TMTC1: variants seen among roughly 807,000 people sequenced by gnomAD.
TMTC1 encodes transmembrane O-mannosyltransferase targeting cadherins 1, also known as protein O-mannosyl-transferase TMTC1.
In TMTC1, 73 loss-of-function variants were observed where a neutral mutation model predicts 104.8. The observed-to-expected ratio is 0.70, with a 90% CI of 0.58 to 0.85. The LOEUF (loss-of-function observed/expected upper bound fraction) is 0.85. Ranked by LOEUF, TMTC1 falls within the 40% of genes least tolerant of loss-of-function variation. TMTC1 has a pLI of 0.00. For missense variants in TMTC1, 1,035 were observed against 1,096.1 expected (o/e 0.94, Z 0.79); for synonymous variants, 434 against 428.7 (o/e 1.01, Z -0.15).
intron 17 of TMTC1, among the ~76,000 whole-genome samples, chr12:29,511,183 A>C (rs1943824389): frequency 2.0e-5 from 3 of 152,086 alleles, no homozygotes. Context: ...CAGCTAATAT[A>C]TTTTATACAT....
intron 5 of TMTC1, among the ~76,000 whole-genome samples, chr12:29,737,492 C>T (rs983360773): frequency 7.9e-5 from 12 of 151,670 alleles, no homozygotes; most frequent in African/African-American, 2.7e-4. Flanking sequence ...CCAGCCTGGG[C>T]AACAAGAGTG....
chr12:29,625,731 G>GT (rs893622035), intron 6 of TMTC1, among the ~76,000 whole-genome samples: 1 of 152,200 alleles, frequency 6.6e-6, no homozygotes, highest in African/African-American at 2.4e-5. Flanking sequence ...ACTTGCCTGT[G>GT]TGCAGGGTCT....
chr12:29,692,048 T>C (rs1941284005), intron 5 of TMTC1, among the ~76,000 whole-genome samples: 2 of 145,552 alleles, frequency 1.4e-5, no homozygotes, highest in Admixed American at 7.1e-5. Flanking sequence ...TATAAATGAA[T>C]GACCTCAGTA....
Position 29,501,963 on chromosome 12 carries a change from TA to T in TMTC1, c.*4882del, listed in dbSNP as rs1943604012. 6.6e-6 allele frequency: 1 copy of T among 152,214 alleles called. No homozygotes were observed. The highest frequency in any genetic ancestry group is 1.5e-5 in the Non-Finnish European group (1 of 68,044). The allele number at this position is 152,214 out of a possible 1,614,324, so 9.4% of individuals were successfully genotyped here. On this transcript the variant is annotated 3_prime_UTR_variant, in exon 18 of 18. Coordinates refer to ENST00000539277, the MANE Select transcript of TMTC1 (RefSeq NM_001193451.2). Reference sequence around the variant, plus strand: ...ACAAATAAAATATTGAGGGAAATAATATTTTTTGGAAGAACTATTCAGCATA... The same window carrying T: ...ACAAATAAAATATTGAGGGAAATAATTTTTTTGGAAGAACTATTCAGCATA...
chr12:29,617,975 T>C (rs893314642), intron 6 of TMTC1, among the ~76,000 whole-genome samples: 7 of 152,092 alleles, frequency 4.6e-5, no homozygotes, highest in African/African-American at 9.7e-5. Context: ...TGTTGAGGAA[T>C]AGACTGGACC....
At chr12:29,555,807 T>C (rs949066090) in intron 10 of TMTC1, among the ~76,000 whole-genome samples, 31 of 152,202 alleles carry the variant, frequency 2.0e-4, no homozygotes, top group Admixed American at 1.2e-3. Flanking sequence ...GTCTTTACAG[T>C]AGAATGATTT....
At chr12:29,660,776 GTA>G (rs144268878) in intron 5 of TMTC1, 93,951 of 663,584 alleles carry the variant, frequency 0.14, 33 homozygotes, top group Middle Eastern at 0.18. Flanking sequence ...TATTTCAAAA[GTA>G]TATATATATA....
intron 8 of TMTC1, among the ~76,000 whole-genome samples, chr12:29,580,543 AT>A (rs1945950159): frequency 6.6e-6 from 1 of 152,104 alleles, no homozygotes; most frequent in Non-Finnish European, 1.5e-5. Context: ...ATCCCACATA[AT>A]TAGAGAGGCC....
chr12:29,628,694 G>T (rs113196880), intron 6 of TMTC1, among the ~76,000 whole-genome samples: 13 of 152,000 alleles, frequency 8.6e-5, no homozygotes, highest in Non-Finnish European at 1.8e-4. Flanking sequence ...GACAGACTTC[G>T]CTCTGTCACC....
intron 1 of TMTC1, among the ~76,000 whole-genome samples, chr12:29,773,098 T>C (rs1943630331): frequency 6.6e-6 from 1 of 152,194 alleles, no homozygotes. Flanking sequence ...TCTCTCACTA[T>C]CTGAAAACCT....
At chr12:29,597,913 A>T (rs1946456756) in intron 7 of TMTC1, among the ~76,000 whole-genome samples, 1 of 152,206 alleles carries the variant, frequency 6.6e-6, no homozygotes, top group Admixed American at 6.5e-5. Context: ...ATAAAATTTC[A>T]TAGTTTTATA....
intron 5 of TMTC1, among the ~76,000 whole-genome samples, chr12:29,706,760 A>G (rs1167110919): frequency 1.3e-5 from 2 of 152,158 alleles, no homozygotes; most frequent in African/African-American, 4.8e-5. Context: ...ATGCCATTCA[A>G]TGTGGGTATT....
chr12:29,729,440 G>A (rs1942488843), intron 5 of TMTC1, among the ~76,000 whole-genome samples: 1 of 151,956 alleles, frequency 6.6e-6, no homozygotes, highest in African/African-American at 2.4e-5. Context: ...ATGCACGAGG[G>A]GGAACCTGGC....
At chr12:29,676,589 G>A (rs1217024644) in intron 5 of TMTC1, among the ~76,000 whole-genome samples, 1 of 152,094 alleles carries the variant, frequency 6.6e-6, no homozygotes, top group Non-Finnish European at 1.5e-5. Flanking sequence ...GTCAGAGATC[G>A]ATTTCCAGGG....
At chr12:29,560,475 G>A (rs1945349582) in intron 9 of TMTC1, among the ~76,000 whole-genome samples, 1 of 152,050 alleles carries the variant, frequency 6.6e-6, no homozygotes. Flanking sequence ...AGAAATGTAT[G>A]GGGCCGGGTG....
chr12:29,703,910 C>T (rs1367824961), intron 5 of TMTC1, among the ~76,000 whole-genome samples: 1 of 152,206 alleles, frequency 6.6e-6, no homozygotes, highest in African/African-American at 2.4e-5. Flanking sequence ...TGTGTCCCCA[C>T]CCAAATCTCA....
intron 5 of TMTC1, among the ~76,000 whole-genome samples, chr12:29,647,488 C>T (rs913153720): frequency 7.9e-5 from 12 of 152,198 alleles, no homozygotes; most frequent in African/African-American, 2.6e-4. Flanking sequence ...TGAGATAGCC[C>T]CATGTTAGGG....
chr12:29,551,053 G>C (rs1423663657), intron 10 of TMTC1, among the ~76,000 whole-genome samples: 1 of 150,884 alleles, frequency 6.6e-6, no homozygotes, highest in Non-Finnish European at 1.5e-5. Flanking sequence ...ATTGGGACTA[G>C]AAGTAACTAA....
At chr12:29,708,295 C>A (rs1015785189) in intron 5 of TMTC1, among the ~76,000 whole-genome samples, 9 of 152,188 alleles carry the variant, frequency 5.9e-5, no homozygotes, top group African/African-American at 2.2e-4. Flanking sequence ...TGAGTGAATA[C>A]AGCCAGGGAA....
Sources: gnomAD v4.1 joint callset for allele counts (sites outside exome capture counted in the v4.1 genomes callset) on GRCh38, gnomAD v4.1.1 for gene constraint, MANE v1.5 for transcripts, NCBI Gene and HGNC (gene_info 2026-07-23, HGNC 2026-07-21) for gene names.